The following NUDCD1 variants were observed in gnomAD, a reference collection of about 807,000 sequenced individuals.
The protein encoded by NUDCD1 is NudC domain containing 1.
A neutral mutation model predicts 67.8 loss-of-function variants in NUDCD1; 60 were observed. That is an observed-to-expected ratio of 0.88 (90% confidence interval 0.72 to 1.10). NUDCD1 has a LOEUF of 1.10. Among genes scored for constraint, NUDCD1 ranks in the 50% least tolerant of loss-of-function variants. The pLI is 0.00. For missense variants in NUDCD1, 643 were observed against 695.0 expected (o/e 0.93, Z 0.84); for synonymous variants, 244 against 230.8 (o/e 1.06, Z -0.52).
intron 1 of NUDCD1, among the ~76,000 whole-genome samples, chr8:109,331,616 C>A (rs1304412687): frequency 6.6e-6 from 1 of 151,406 alleles, no homozygotes; most frequent in South Asian, 2.1e-4. Flanking sequence ...GAAATGAGTA[C>A]GGAACAAGGA....
chr8:109,287,545 A>G (rs1814604061), intron 5 of NUDCD1, among the ~76,000 whole-genome samples: 1 of 152,150 alleles, frequency 6.6e-6, no homozygotes, highest in African/African-American at 2.4e-5. Flanking sequence ...GGAACAGAAA[A>G]CCAAATACCA....
rs1168048718 is a variant in NUDCD1 at position 109,242,081 on chromosome 8, T to A, written c.*928A>T. 2 of 398,058 alleles carry A rather than the reference T, an allele frequency of 5.0e-6. No individual in the cohort carries two copies. Among genetic ancestry groups the A allele is most frequent in the Non-Finnish European group, 8.9e-6 (2 of 225,770 alleles). 24.7% of individuals were successfully genotyped at this position (398,058 alleles called of 1,614,324 possible). On this transcript the variant is annotated 3_prime_UTR_variant, in exon 10 of 10. Transcript: ENST00000239690. Reference sequence around the variant, plus strand: ...ATAATTTGTCCTTGTGTGGTAAGATTGTTCCATCAATGGCCCCCAATGAGT... The same window carrying A: ...ATAATTTGTCCTTGTGTGGTAAGATAGTTCCATCAATGGCCCCCAATGAGT...
rs538222215 is a variant in NUDCD1 at position 109,268,700 on chromosome 8, G to A, written c.1299+2305C>T. 1.1e-3 allele frequency among the ~76,000 whole-genome samples: 171 copies of A among 152,224 alleles called. 1 individual carries two copies. The highest frequency in any genetic ancestry group is 4.0e-3 in the African/African-American group (165 of 41,546). ...GAGTTATAGCACCTAAAACTATAAC[G>A]TTAAGAAGAACAACCAGATTCTTCA... On this transcript the variant is annotated intron_variant, in intron 8 of 9. Transcript: ENST00000239690.
rs190778120 is a variant in NUDCD1, at chr8:109,323,836, G to C, written c.119-1373C>G. 1.6e-3 allele frequency among the ~76,000 whole-genome samples: 242 copies of C among 152,122 alleles called. 3 individuals carry two copies. Among genetic ancestry groups the C allele is most frequent in the African/African-American group, 4.7e-3 (196 of 41,526 alleles). On this transcript the variant is annotated intron_variant, in intron 1 of 9. Transcript: ENST00000239690. Reference sequence around the variant, plus strand: ...GTGCAAAGAACATACACTGGGAAAAGGATACCTTCCTCAATAAATGGTGTG... The same window carrying C: ...GTGCAAAGAACATACACTGGGAAAACGATACCTTCCTCAATAAATGGTGTG...
chr8:109,262,003 C>T (rs1813873240), intron 8 of NUDCD1, among the ~76,000 whole-genome samples: 1 of 151,836 alleles, frequency 6.6e-6, no homozygotes, highest in African/African-American at 2.4e-5. Flanking sequence ...TTATGAACAG[C>T]AATTACTGTT....
chr8:109,294,828 AC>A lies in NUDCD1; in HGVS notation c.460-1305del, dbSNP rs979498629. Among the ~76,000 whole-genome samples, 5 of 151,064 alleles carry A rather than the reference AC, an allele frequency of 3.3e-5. No homozygotes were observed. The East Asian group carries it at 7.7e-4, about 23-fold the overall frequency. On this transcript the variant is annotated intron_variant, in intron 3 of 9. Transcript: ENST00000239690. ...CACCACCACCACCCTTGGCCCCCTT[AC>A]CCCCCACCATGCTCCGTAATCACTT...
chr8:109,296,611 C>A (rs747081881), intron 2 of NUDCD1, 42 bp from the exon 3 acceptor site: 1 of 1,265,156 alleles, frequency 7.9e-7, no homozygotes, highest in South Asian at 1.4e-5. Context: ...TTCCTCTTCA[C>A]TGATCCACAC....
At chr8:109,258,852 A>C (rs1368245314) in intron 8 of NUDCD1, among the ~76,000 whole-genome samples, 1 of 152,204 alleles carries the variant, frequency 6.6e-6, no homozygotes, top group Non-Finnish European at 1.5e-5. Flanking sequence ...TGAAAGGCAA[A>C]AAAGGAATTA....
intron 1 of NUDCD1, among the ~76,000 whole-genome samples, chr8:109,332,349 A>G (rs559899950): frequency 1.2e-4 from 18 of 152,276 alleles, no homozygotes; most frequent in African/African-American, 4.1e-4. Context: ...CGGACTTGCT[A>G]CCAAGCAGAC....
intron 2 of NUDCD1, among the ~76,000 whole-genome samples, chr8:109,306,708 G>A (rs1815116324): frequency 2.1e-5 from 3 of 146,112 alleles, no homozygotes; most frequent in Admixed American, 7.1e-5. Flanking sequence ...CCTTTAATAC[G>A]TGTTTTCCTC....
At chr8:109,251,435 T>G (rs982318616) in intron 8 of NUDCD1, among the ~76,000 whole-genome samples, 3 of 152,128 alleles carry the variant, frequency 2.0e-5, no homozygotes, top group Non-Finnish European at 1.5e-5. Context: ...CCTCCTAAAG[T>G]GCTGGGATTA....
intron 8 of NUDCD1, among the ~76,000 whole-genome samples, chr8:109,268,499 A>G (rs1814058446): frequency 6.6e-6 from 1 of 152,184 alleles, no homozygotes; most frequent in South Asian, 2.1e-4. Context: ...ATAGGAAATG[A>G]AGAAAGGTAT....
intron 8 of NUDCD1, among the ~76,000 whole-genome samples, chr8:109,262,751 C>A (rs911682687): frequency 1.3e-5 from 2 of 152,002 alleles, no homozygotes; most frequent in Non-Finnish European, 2.9e-5. Flanking sequence ...TGGGCAGGAA[C>A]TGTTGCTATA....
intron 8 of NUDCD1, among the ~76,000 whole-genome samples, chr8:109,266,149 T>G (rs1813987607): frequency 1.2e-5 from 1 of 86,330 alleles, no homozygotes; most frequent in African/African-American, 7.7e-5. Context: ...ATAAATTAAC[T>G]TTAATAACAT....
intron 6 of NUDCD1, among the ~76,000 whole-genome samples, chr8:109,276,749 G>A (rs896349757): frequency 5.3e-5 from 8 of 152,012 alleles, no homozygotes; most frequent in African/African-American, 1.4e-4. Flanking sequence ...TCCAACTCCC[G>A]GGTTCAAGTG....
chr8:109,256,641 G>A lies in NUDCD1; in HGVS notation c.1300-11160C>T, dbSNP rs553735863. 2.6e-3 allele frequency among the ~76,000 whole-genome samples: 402 copies of A among 152,198 alleles called. 1 individual carries two copies. The highest frequency in any genetic ancestry group is 5.0e-3 in the Non-Finnish European group (337 of 68,006). On this transcript the variant is annotated intron_variant, in intron 8 of 9. Coordinates refer to ENST00000239690, the MANE Select transcript of NUDCD1 (RefSeq NM_032869.4). ...AAGATTACTTTGATCTTCACACAAA[G>A]TACTTATTAATTCAAAATGAAAGAT...
chr8:109,282,700 G>T (rs1371089458), intron 5 of NUDCD1, among the ~76,000 whole-genome samples: 1 of 147,398 alleles, frequency 6.8e-6, no homozygotes, highest in Non-Finnish European at 1.5e-5. Context: ...GGGGCTAGGG[G>T]AGGGATAGCA....
intron 3 of NUDCD1, 60 bp from the exon 4 acceptor site, chr8:109,293,584 T>C (rs974211237): frequency 3.5e-6 from 3 of 850,396 alleles, no homozygotes; most frequent in Admixed American, 3.0e-5. Flanking sequence ...ACAGATAGCA[T>C]AGAGGGAATA....
At chr8:109,333,214 C>G (rs1815853076) in intron 1 of NUDCD1, among the ~76,000 whole-genome samples, 1 of 152,162 alleles carries the variant, frequency 6.6e-6, no homozygotes, top group African/African-American at 2.4e-5. Flanking sequence ...GCATCAGAAT[C>G]AGCAGGGGTG....
Sources: allele counts gnomAD v4.1 joint callset (sites outside exome capture counted in the v4.1 genomes callset), GRCh38; gene constraint gnomAD v4.1.1; transcripts MANE v1.5; gene names NCBI Gene and HGNC (gene_info 2026-07-23, HGNC 2026-07-21).